Variants in PXYLP1 observed in about 807,000 individuals in gnomAD.
PXYLP1 encodes the protein acid phosphatase-like 2.
A neutral mutation model predicts 37.9 loss-of-function variants in PXYLP1; 17 were observed. The observed-to-expected ratio is 0.45, with a 90% CI of 0.31 to 0.67. The LOEUF is 0.67. Among genes scored for constraint, PXYLP1 ranks in the 30% least tolerant of loss-of-function variants. The pLI is 0.07. For missense variants in PXYLP1, 511 were observed against 612.0 expected (o/e 0.84, Z 1.74); for synonymous variants, 221 against 232.2 (o/e 0.95, Z 0.44).
intron 2 of PXYLP1, 145 bp from the exon 3 acceptor site, chr3:141,278,197 A>C: frequency 1.1e-6 from 1 of 893,308 alleles, no homozygotes; most frequent in East Asian, 2.6e-5. Context: ...CTTGAATGGG[A>C]AGCTGACTTC....
chr3:141,286,789 G>T (rs1942084287), intron 4 of PXYLP1, among the ~76,000 whole-genome samples: 1 of 152,214 alleles, frequency 6.6e-6, no homozygotes, highest in African/African-American at 2.4e-5. Flanking sequence ...TGCTTAATCA[G>T]CAAGAAGACC....
chr3:141,278,533 C>T (rs374561245), intron 3 of PXYLP1, 33 bp downstream of exon 3: 164 of 1,610,164 alleles, frequency 1.0e-4, no homozygotes, highest in Non-Finnish European at 1.3e-4. Context: ...GACAGATACC[C>T]CTTTGGGGAC....
At chr3:141,246,662 G>A (rs1295074674) in intron 1 of PXYLP1, among the ~76,000 whole-genome samples, 1 of 152,184 alleles carries the variant, frequency 6.6e-6, no homozygotes, top group Non-Finnish European at 1.5e-5. Flanking sequence ...TATTGGTTAA[G>A]CACCTGCTCT....
At chr3:141,264,389 A>G (rs924478503) in intron 2 of PXYLP1, among the ~76,000 whole-genome samples, 2 of 152,220 alleles carry the variant, frequency 1.3e-5, no homozygotes, top group African/African-American at 2.4e-5. Flanking sequence ...CTGCTCTTTG[A>G]AGAGTAAAGT....
rs555914133 is a variant in PXYLP1, at chr3:141,293,383, C to T, written c.*178C>T. ...GTAAGCACATTGCTGCAATGTGGTA[C>T]GTGAATTGCTTGGTACAAAATGGCC... On this transcript the variant is annotated 3_prime_UTR_variant, in exon 6 of 6. Coordinates refer to ENST00000286353, the MANE Select transcript of PXYLP1 (RefSeq NM_001037172.3). The T allele has an allele frequency of 2.3e-4, 148 of 648,976 alleles. No individual in the cohort carries two copies. The Middle Eastern group carries it at 4.7e-3, about 21-fold the overall frequency. 40.2% of individuals were successfully genotyped at this position (648,976 alleles called of 1,614,324 possible).
chr3:141,261,248 A>C (rs1421091698), intron 2 of PXYLP1, among the ~76,000 whole-genome samples: 1 of 151,826 alleles, frequency 6.6e-6, no homozygotes, highest in African/African-American at 2.4e-5. Flanking sequence ...CGAGTTTAGG[A>C]GTTTAGGTAA....
intron 4 of PXYLP1, among the ~76,000 whole-genome samples, chr3:141,281,693 C>T (rs1473190755): frequency 2.0e-5 from 3 of 152,148 alleles, no homozygotes; most frequent in East Asian, 3.9e-4. Flanking sequence ...GAAGGCCACA[C>T]AGAGAAAGGG....
At chr3:141,279,953 A>G (rs906919931) in intron 4 of PXYLP1, among the ~76,000 whole-genome samples, 2 of 152,192 alleles carry the variant, frequency 1.3e-5, no homozygotes, top group African/African-American at 4.8e-5. Context: ...ACACAGACAA[A>G]TGCACGTTAG....
rs1440036576 is a variant in PXYLP1 at position 141,293,905 on chromosome 3, G to A, written c.*700G>A. On this transcript the variant is annotated 3_prime_UTR_variant, in exon 6 of 6. Coordinates refer to ENST00000286353, the MANE Select transcript of PXYLP1 (RefSeq NM_001037172.3). ...ATTGCACTTCCAGCACTTTGAGAACGAGTTGAATACCAAGAATTATTCAAT... is the reference window on the plus strand; with the variant it reads ...ATTGCACTTCCAGCACTTTGAGAACAAGTTGAATACCAAGAATTATTCAAT... 6.6e-6 allele frequency: 1 copy of A among 152,316 alleles called. No homozygotes were observed. 9.4% of individuals were successfully genotyped at this position (152,316 alleles called of 1,614,324 possible).
At chr3:141,238,320 CAG>C (rs1351445856) in intron 1 of PXYLP1, among the ~76,000 whole-genome samples, 1 of 152,226 alleles carries the variant, frequency 6.6e-6, no homozygotes, top group Non-Finnish European at 1.5e-5. Context: ...GTGCGTCCTA[CAG>C]AGAGGCTCCA....
intron 2 of PXYLP1, among the ~76,000 whole-genome samples, chr3:141,277,535 C>T (rs1294922492): frequency 6.6e-6 from 1 of 152,064 alleles, no homozygotes; most frequent in Non-Finnish European, 1.5e-5. Context: ...AGAAAAAGAG[C>T]ACCTCTTCTA....
chr3:141,244,634 G>A (rs1206531852), intron 1 of PXYLP1, among the ~76,000 whole-genome samples: 1 of 148,558 alleles, frequency 6.7e-6, no homozygotes, highest in Admixed American at 6.8e-5. Context: ...TTTTTAACTT[G>A]GCGATATTTC....
chr3:141,268,980 C>T (rs966048544), intron 2 of PXYLP1, among the ~76,000 whole-genome samples: 2 of 152,242 alleles, frequency 1.3e-5, no homozygotes, highest in Non-Finnish European at 2.9e-5. Flanking sequence ...AGGGGTCTGC[C>T]CGTCCACACC....
intron 4 of PXYLP1, among the ~76,000 whole-genome samples, chr3:141,282,191 G>A (rs569711091): frequency 6.6e-6 from 1 of 152,100 alleles, no homozygotes; most frequent in East Asian, 1.9e-4. Context: ...CACTCACTGC[G>A]CTTCAGCCAC....
intron 4 of PXYLP1, among the ~76,000 whole-genome samples, chr3:141,285,399 C>T (rs957947020): frequency 2.0e-5 from 3 of 151,866 alleles, no homozygotes; most frequent in African/African-American, 7.3e-5. Flanking sequence ...ACCTCGGCCT[C>T]CCAAAATGCT....
At chr3:141,243,478 C>T (rs930922921) in intron 1 of PXYLP1, among the ~76,000 whole-genome samples, 13 of 152,242 alleles carry the variant, frequency 8.5e-5, no homozygotes, top group African/African-American at 1.9e-4. Context: ...CTGTCATCCA[C>T]GGTACGGTGA....
At chr3:141,250,511 G>A (rs1418664384) in intron 1 of PXYLP1, among the ~76,000 whole-genome samples, 1 of 152,206 alleles carries the variant, frequency 6.6e-6, no homozygotes, top group Admixed American at 6.5e-5. Flanking sequence ...CCCAGTCGTT[G>A]TATCCATTCC....
intron 2 of PXYLP1, chr3:141,274,519 G>C (rs976249444): frequency 1.3e-6 from 2 of 1,481,956 alleles, no homozygotes; most frequent in Non-Finnish European, 1.8e-6. Flanking sequence ...CTGTTTGGAT[G>C]CCCCTCACCC....
intron 5 of PXYLP1, among the ~76,000 whole-genome samples, chr3:141,289,840 G>A (rs1942160845): frequency 6.6e-6 from 1 of 152,128 alleles, no homozygotes; most frequent in South Asian, 2.1e-4. Flanking sequence ...AGGAGGTGAG[G>A]GCGCCAGTCT....
Sources: gnomAD v4.1 joint callset for allele counts (sites outside exome capture counted in the v4.1 genomes callset) on GRCh38, gnomAD v4.1.1 for gene constraint, MANE v1.5 for transcripts, NCBI Gene and HGNC (gene_info 2026-07-23, HGNC 2026-07-21) for gene names.